AFF4: variants seen among roughly 807,000 people sequenced by gnomAD.
The protein encoded by AFF4 is AF4/FMR2 family member 4.
In AFF4, 13 loss-of-function variants were observed where a neutral mutation model predicts 124.8. The observed-to-expected ratio is 0.10, with a 90% CI of 0.07 to 0.17. The LOEUF is 0.17. Among genes scored for constraint, AFF4 ranks in the 10% least tolerant of loss-of-function variants. The pLI is 1.00. For missense variants in AFF4, 1,092 were observed against 1,403.8 expected, an observed-to-expected ratio of 0.78 and a Z score of 3.55; for synonymous variants, 477 against 496.1, an observed-to-expected ratio of 0.96 and a Z score of 0.51.
intron 1 of AFF4, among the ~76,000 whole-genome samples, chr5:132,960,075 A>G (rs1762050099): frequency 6.6e-6 from 1 of 152,020 alleles, no homozygotes; most frequent in African/African-American, 2.4e-5. Context: ...CTTTTCTTAA[A>G]CCAAAGGAAA....
intron 5 of AFF4, among the ~76,000 whole-genome samples, chr5:132,915,508 G>C (rs150214000): frequency 1.3e-5 from 2 of 150,402 alleles, no homozygotes. Flanking sequence ...ATTCTGGACA[G>C]AAATATAATT....
intron 5 of AFF4, among the ~76,000 whole-genome samples, chr5:132,908,776 A>ATATATATTTT (rs375891983): frequency 1.7e-5 from 2 of 114,894 alleles, no homozygotes; most frequent in African/African-American, 6.0e-5. Context: ...ATATATATAT[A>ATATATATTTT]TTTTTTTTTT....
intron 18 of AFF4, among the ~76,000 whole-genome samples, chr5:132,885,470 T>TGGGA (rs1561478960): frequency 2.0e-4 from 1 of 5,054 alleles, no homozygotes; most frequent in African/African-American, 7.2e-4. Flanking sequence ...AAAAAAGGGG[T>TGGGA]GGGTGGGTGG....
chr5:132,947,724 C>G (rs1432867285), intron 1 of AFF4, among the ~76,000 whole-genome samples: 7 of 152,188 alleles, frequency 4.6e-5, no homozygotes, highest in Non-Finnish European at 1.0e-4. Flanking sequence ...CCCTCTTGGC[C>G]TCATTTGGTA....
chr5:132,881,380 A>G (rs1440322250), intron 20 of AFF4, among the ~76,000 whole-genome samples, 194 bp from the exon 21 acceptor site: 1 of 152,256 alleles, frequency 6.6e-6, no homozygotes, highest in Non-Finnish European at 1.5e-5. Flanking sequence ...TAAGTCATGC[A>G]ACATTTTAAA....
At position 132,892,245 on chromosome 5, in the gene AFF4, A is replaced by T. The variant is rs1159935378; in HGVS notation, c.2556T>A (p.Ser852Arg). The change falls in exon 13 of 21, where the codon AGT becomes AGA. Residue 852 changes from serine (S) to arginine (R), a missense_variant. Ser to Arg is a moderately radical substitution (Grantham distance 110). Around this residue, in one of 11 missense-constraint regions of AFF4, gnomAD observed 293 missense variants for 280.2 expected, o/e 1.05. Transcript: ENST00000265343. ...KSSSNSNKETSGSSKNSSSTS... is the reference protein window; with the variant it reads ...KSSSNSNKETRGSSKNSSSTS... ...TGGAGGAACTGTTTTTGCTGCTGCC[A>T]CTCGTCTCCTTGTTGCTGTTACTGC... is the stretch of plus-strand genomic sequence containing the variant. 1 of 1,613,932 alleles carries T rather than the reference A, an allele frequency of 6.2e-7. No homozygotes were observed.
intron 5 of AFF4, among the ~76,000 whole-genome samples, chr5:132,918,088 A>G (rs1561494480): frequency 2.6e-5 from 4 of 151,928 alleles, no homozygotes; most frequent in Non-Finnish European, 5.9e-5. Flanking sequence ...TCCATTTATA[A>G]TAGCACTAAA....
intron 11 of AFF4, among the ~76,000 whole-genome samples, chr5:132,894,304 G>T (rs1760333876): frequency 6.6e-6 from 1 of 152,144 alleles, no homozygotes; most frequent in Non-Finnish European, 1.5e-5. Flanking sequence ...CCATATCAAA[G>T]TTCCAACTTT....
intron 4 of AFF4, among the ~76,000 whole-genome samples, chr5:132,928,222 A>C (rs914851620): frequency 6.6e-6 from 1 of 152,104 alleles, no homozygotes; most frequent in African/African-American, 2.4e-5. Context: ...TATTTAAAAA[A>C]AAACAAAAAA....
At chr5:132,912,080 C>T (rs1165725910) in intron 5 of AFF4, among the ~76,000 whole-genome samples, 7 of 148,024 alleles carry the variant, frequency 4.7e-5, no homozygotes, top group East Asian at 4.0e-4. Context: ...GGGCCAGGTG[C>T]GGTGGCTCAC....
intron 5 of AFF4, among the ~76,000 whole-genome samples, chr5:132,924,335 A>C (rs1761121438): frequency 6.6e-6 from 1 of 152,226 alleles, no homozygotes; most frequent in Non-Finnish European, 1.5e-5. Flanking sequence ...TGAGCAAAAG[A>C]AAGTAAATAT....
intron 4 of AFF4, among the ~76,000 whole-genome samples, chr5:132,928,634 G>C (rs1408172584): frequency 6.6e-6 from 1 of 152,056 alleles, no homozygotes; most frequent in African/African-American, 2.4e-5. Context: ...CACCAACACA[G>C]TACTGATTAA....
At chr5:132,957,209 C>T (rs1166455038) in intron 1 of AFF4, among the ~76,000 whole-genome samples, 1 of 151,202 alleles carries the variant, frequency 6.6e-6, no homozygotes, top group Non-Finnish European at 1.5e-5. Context: ...GGTATGGTGG[C>T]TCGTGCCTGT....
chr5:132,952,715 G>A (rs929320837), intron 1 of AFF4, among the ~76,000 whole-genome samples: 15 of 152,240 alleles, frequency 9.9e-5, no homozygotes, highest in East Asian at 3.9e-4. Flanking sequence ...CCAACATGGC[G>A]AAACTCCGTC....
intron 1 of AFF4, among the ~76,000 whole-genome samples, chr5:132,961,347 G>C (rs989573585): frequency 6.6e-6 from 1 of 152,058 alleles, no homozygotes; most frequent in Non-Finnish European, 1.5e-5. Context: ...CTCTCAAGTA[G>C]CTAGAACTAC....
chr5:132,955,798 ATATAT>A (rs1761943126), intron 1 of AFF4, among the ~76,000 whole-genome samples: 9 of 119,594 alleles, frequency 7.5e-5, no homozygotes, highest in Non-Finnish European at 1.1e-4. Context: ...AAAAAAAAAT[ATATAT>A]ATATATATAT....
At chr5:132,919,233 T>C (rs1480342182) in intron 5 of AFF4, among the ~76,000 whole-genome samples, 1 of 152,150 alleles carries the variant, frequency 6.6e-6, no homozygotes, top group Non-Finnish European at 1.5e-5. Context: ...CAAATCTACT[T>C]TGAAAAACAC....
chr5:132,902,346 C>A, intron 7 of AFF4, 96 bp downstream of exon 7: 1 of 1,053,080 alleles, frequency 9.5e-7, no homozygotes, highest in Non-Finnish European at 1.4e-6. Flanking sequence ...CCCTGCCCAG[C>A]CTCAATATTT....
rs915780229 is a variant in AFF4 at position 132,877,529 on chromosome 5, CATAT to C, written c.*3526_*3529del. 1.5e-4 allele frequency: 31 copies of C among 208,278 alleles called. No homozygotes were observed. The highest frequency in any genetic ancestry group is 5.5e-4 in the African/African-American group (24 of 43,974). The allele number at this position is 208,278 out of a possible 1,614,324, so 12.9% of individuals were successfully genotyped here. On this transcript the variant is annotated 3_prime_UTR_variant, in exon 21 of 21. Coordinates refer to ENST00000265343, the MANE Select transcript of AFF4 (RefSeq NM_014423.4). Reference sequence around the variant, plus strand: ...AATTTCATGTTTTCATACATACATACATATATATAAAGTGTGTATGTGTACAGAA... The same window carrying C: ...AATTTCATGTTTTCATACATACATACATATAAAGTGTGTATGTGTACAGAA...
Sources: gnomAD v4.1 joint callset for allele counts (sites outside exome capture counted in the v4.1 genomes callset) on GRCh38, gnomAD v4.1.1 for gene constraint, gnomAD v4.1.1 regional missense constraint, MANE v1.5 for transcripts, NCBI Gene and HGNC (gene_info 2026-07-23, HGNC 2026-07-21) for gene names.